TMPRSS15: variants seen among roughly 807,000 people sequenced by gnomAD.
The protein encoded by TMPRSS15 is transmembrane serine protease 15.
A neutral mutation model predicts 125.3 loss-of-function variants in TMPRSS15; 128 were observed. The observed-to-expected ratio is 1.02, with a 90% CI of 0.89 to 1.18. The LOEUF (loss-of-function observed/expected upper bound fraction) is 1.18. Ranked by LOEUF, TMPRSS15 falls within the 50% of genes most tolerant of loss-of-function variation. TMPRSS15 has a pLI of 0.00. For synonymous variants in TMPRSS15, 446 were observed against 423.2 expected (o/e 1.05, Z -0.66); for missense variants, 1,283 against 1,212.7 (o/e 1.06, Z -0.86).
Position 18,380,404 on chromosome 21 carries a change from C to A in TMPRSS15, c.497-1086G>T, listed in dbSNP as rs560082176. The A allele has an allele frequency of 5.3e-3, 1,874 of 353,698 alleles. 51 individuals are homozygous for A. The highest frequency in any genetic ancestry group is 0.042 in the South Asian group (1,811 of 43,286). The allele number at this position is 353,698 out of a possible 1,614,324, so 21.9% of individuals were successfully genotyped here. On this transcript the variant is annotated intron_variant, in intron 4 of 24. Transcript: ENST00000284885. ...TATTACGAATTATGTTATTCCTAACCAATATAAGCTTCTTACAACTTGATA... is the reference window on the plus strand; with the variant it reads ...TATTACGAATTATGTTATTCCTAACAAATATAAGCTTCTTACAACTTGATA...
At chr21:18,338,643 A>G (rs1320776412) in intron 13 of TMPRSS15, among the ~76,000 whole-genome samples, 2 of 152,162 alleles carry the variant, frequency 1.3e-5, no homozygotes, top group Admixed American at 6.5e-5. Context: ...TTTTGGTACC[A>G]AAATTTTGTT....
intron 16 of TMPRSS15, among the ~76,000 whole-genome samples, chr21:18,318,762 CT>C (rs1185039395): frequency 2.0e-5 from 3 of 152,044 alleles, no homozygotes; most frequent in Admixed American, 6.5e-5. Flanking sequence ...ACAAATGAAC[CT>C]TTTGTTTTGC....
intron 18 of TMPRSS15, among the ~76,000 whole-genome samples, chr21:18,306,346 C>T (rs764798191): frequency 3.3e-5 from 5 of 152,222 alleles, no homozygotes; most frequent in African/African-American, 4.8e-5. Context: ...AAATTCATTG[C>T]GGTGGTTACA....
chr21:18,400,352 A>G (rs2076083514), intron 1 of TMPRSS15, among the ~76,000 whole-genome samples: 1 of 152,216 alleles, frequency 6.6e-6, no homozygotes. Context: ...TAACTAAAAC[A>G]GCATGGTAGT....
intron 3 of TMPRSS15, among the ~76,000 whole-genome samples, chr21:18,390,686 C>T (rs577764170): frequency 1.3e-5 from 2 of 152,150 alleles, no homozygotes; most frequent in East Asian, 3.9e-4. Context: ...AGTTAAGTGT[C>T]CCAGGGAAGG....
chr21:18,461,129 A>G (rs1055572387), intron 1 of TMPRSS15, among the ~76,000 whole-genome samples: 2 of 152,158 alleles, frequency 1.3e-5, no homozygotes, highest in African/African-American at 4.8e-5. Flanking sequence ...GACAGTATCA[A>G]GGAACTGAAA....
chr21:18,453,702 T>C (rs1355356560), intron 1 of TMPRSS15, among the ~76,000 whole-genome samples: 1 of 152,242 alleles, frequency 6.6e-6, no homozygotes. Context: ...TCTGCACTCC[T>C]ATATTCATTG....
chr21:18,429,925 T>G (rs933626077), intron 1 of TMPRSS15, among the ~76,000 whole-genome samples: 1 of 152,252 alleles, frequency 6.6e-6, no homozygotes, highest in Non-Finnish European at 1.5e-5. Context: ...GAGAGATATG[T>G]ATTTTTGCTC....
At chr21:18,374,941 T>G (rs2075828726) in intron 5 of TMPRSS15, among the ~76,000 whole-genome samples, 1 of 152,228 alleles carries the variant, frequency 6.6e-6, no homozygotes, top group African/African-American at 2.4e-5. Context: ...GTTGAATTAC[T>G]GAAAAGGCCA....
At chr21:18,309,567 C>CAA (rs1449432924) in intron 18 of TMPRSS15, among the ~76,000 whole-genome samples, 1 of 151,682 alleles carries the variant, frequency 6.6e-6, no homozygotes. Context: ...AAGAAAAAAA[C>CAA]AAACAAATTT....
At chr21:18,295,927 C>T (rs1366332311) in intron 19 of TMPRSS15, among the ~76,000 whole-genome samples, 2 of 152,028 alleles carry the variant, frequency 1.3e-5, no homozygotes, top group Non-Finnish European at 2.9e-5. Context: ...CGGAGGCGGG[C>T]GGATCACGAG....
In TMPRSS15 at chr21:18,383,503, TC is replaced by T; in HGVS notation, c.496+123del. 7 of 1,109,366 alleles carry T rather than the reference TC, an allele frequency of 6.3e-6. No homozygotes were observed. The South Asian group carries it at 1.0e-4, about 16-fold the overall frequency. The allele number at this position is 1,109,366 out of a possible 1,614,324, so 68.7% of individuals were successfully genotyped here. Reference sequence around the variant, plus strand: ...ATTTCACTTTTCTCATGTAAATGTGTCACCTCAGGCAATAAGACATGTTCCT... The same window carrying T: ...ATTTCACTTTTCTCATGTAAATGTGTACCTCAGGCAATAAGACATGTTCCT... On this transcript the variant is annotated intron_variant, in intron 4 of 24. Transcript: ENST00000284885.
chr21:18,377,942 CCTT>C (rs2075859546), intron 5 of TMPRSS15, among the ~76,000 whole-genome samples: 1 of 152,056 alleles, frequency 6.6e-6, no homozygotes, highest in Admixed American at 6.6e-5. Flanking sequence ...AAGGAGAAAA[CCTT>C]CTTTTAAGTC....
chr21:18,284,146 G>A (rs901907428), intron 21 of TMPRSS15, among the ~76,000 whole-genome samples: 14 of 151,970 alleles, frequency 9.2e-5, no homozygotes, highest in Non-Finnish European at 1.9e-4. Context: ...GAAAAATTCC[G>A]CCGCCATGTA....
chr21:18,396,744 A>G (rs536800451), intron 3 of TMPRSS15, among the ~76,000 whole-genome samples: 412 of 147,918 alleles, frequency 2.8e-3, no homozygotes, highest in Non-Finnish European at 4.0e-3. Context: ...AGTGCACTCC[A>G]GCCTGGGCGA....
intron 1 of TMPRSS15, among the ~76,000 whole-genome samples, chr21:18,441,398 A>C (rs1208262788): frequency 6.6e-6 from 1 of 151,882 alleles, no homozygotes; most frequent in Non-Finnish European, 1.5e-5. Flanking sequence ...TGAGGTCAGG[A>C]GATCAAGACC....
chr21:18,387,070 C>T (rs1362391010), intron 3 of TMPRSS15, among the ~76,000 whole-genome samples: 1 of 151,956 alleles, frequency 6.6e-6, no homozygotes, highest in South Asian at 2.1e-4. Context: ...AAAGTTGTAG[C>T]CTTTAAAATT....
intron 1 of TMPRSS15, among the ~76,000 whole-genome samples, chr21:18,467,163 A>G (rs1310417008): frequency 6.6e-6 from 1 of 152,184 alleles, no homozygotes; most frequent in Non-Finnish European, 1.5e-5. Context: ...ACAGGAACAG[A>G]AAACCAAACA....
At chr21:18,453,665 A>C (rs1356202540) in intron 1 of TMPRSS15, among the ~76,000 whole-genome samples, 1 of 152,226 alleles carries the variant, frequency 6.6e-6, no homozygotes, top group Non-Finnish European at 1.5e-5. Flanking sequence ...TACCCAAAAG[A>C]ATTGGAATTC....
Sources: allele counts gnomAD v4.1 joint callset (sites outside exome capture counted in the v4.1 genomes callset), GRCh38; gene constraint gnomAD v4.1.1; transcripts MANE v1.5; gene names NCBI Gene and HGNC (gene_info 2026-07-23, HGNC 2026-07-21).